UNC13B: variants seen among roughly 807,000 people sequenced by gnomAD.
UNC13B encodes the protein unc-13 homolog B.
UNC13B carries 144 observed loss-of-function variants against 211.0 expected under a neutral mutation model. The ratio of observed to expected loss-of-function variants is 0.68; its 90% CI spans 0.60 to 0.78. The LOEUF (loss-of-function observed/expected upper bound fraction) is 0.78. Ranked by LOEUF, UNC13B falls within the 30% of genes least tolerant of loss-of-function variation. The pLI, the probability that UNC13B is intolerant of heterozygous loss-of-function variation, is 0.00. For synonymous variants in UNC13B, 709 were observed against 725.8 expected, an observed-to-expected ratio of 0.98 and a Z score of 0.37; for missense variants, 1,777 against 2,002.0, an observed-to-expected ratio of 0.89 and a Z score of 2.14.
chr9:35,237,000 A>G (rs1313886487), intron 4 of UNC13B, among the ~76,000 whole-genome samples: 1 of 152,178 alleles, frequency 6.6e-6, no homozygotes, highest in South Asian at 2.1e-4. Flanking sequence ...CCAATCTCCA[A>G]GGAACTAGTT....
intron 7 of UNC13B, among the ~76,000 whole-genome samples, chr9:35,270,418 A>G (rs981465706): frequency 1.1e-4 from 16 of 152,074 alleles, no homozygotes; most frequent in African/African-American, 3.6e-4. Flanking sequence ...ACACATGTGT[A>G]TATACACACA....
At chr9:35,346,696 T>A (rs1245969188) in intron 11 of UNC13B, among the ~76,000 whole-genome samples, 2 of 152,038 alleles carry the variant, frequency 1.3e-5, no homozygotes, top group Non-Finnish European at 1.5e-5. Context: ...TGTCGGAATG[T>A]GTGTGTATGA....
chr9:35,384,573 T>G, intron 22 of UNC13B: 10 of 985,476 alleles, frequency 1.0e-5, no homozygotes, highest in Non-Finnish European at 1.2e-5. Flanking sequence ...TACTAAACTC[T>G]CTGGTGACAT....
At chr9:35,191,457 A>G (rs967388844) in intron 1 of UNC13B, among the ~76,000 whole-genome samples, 3 of 152,196 alleles carry the variant, frequency 2.0e-5, no homozygotes, top group Non-Finnish European at 4.4e-5. Context: ...AAAGGTGGTA[A>G]CAGCCCCTTC....
chr9:35,379,759 G>C (rs1834693115), intron 17 of UNC13B, among the ~76,000 whole-genome samples: 1 of 152,102 alleles, frequency 6.6e-6, no homozygotes, highest in South Asian at 2.1e-4. Context: ...CAGAGCAGTG[G>C]TTATACTGTA....
At chr9:35,379,034 T>C (rs1463617684) in intron 17 of UNC13B, among the ~76,000 whole-genome samples, 1 of 152,198 alleles carries the variant, frequency 6.6e-6, no homozygotes, top group African/African-American at 2.4e-5. Context: ...CAAACTAATG[T>C]CTGAGAATCC....
intron 11 of UNC13B, among the ~76,000 whole-genome samples, chr9:35,357,683 T>C (rs1455843375): frequency 1.3e-5 from 2 of 151,728 alleles, no homozygotes; most frequent in Non-Finnish European, 2.9e-5. Flanking sequence ...AGCTCAGAAA[T>C]TTGAGACCAG....
chr9:35,255,065 G>A (rs1431335001), intron 6 of UNC13B, among the ~76,000 whole-genome samples: 37 of 107,344 alleles, frequency 3.4e-4, no homozygotes, highest in Middle Eastern at 4.3e-3. Context: ...TATATATTAT[G>A]TATAATATAA....
At chr9:35,389,462 G>C (rs1043847483) in intron 24 of UNC13B, among the ~76,000 whole-genome samples, 3 of 152,190 alleles carry the variant, frequency 2.0e-5, no homozygotes, top group Admixed American at 6.5e-5. Flanking sequence ...ACCACCAGAA[G>C]AGGAGGGCTG....
Position 35,404,465 on chromosome 9 carries a change from T to G in UNC13B, c.*432T>G, listed in dbSNP as rs1836553534. 1 of 199,456 alleles carries G rather than the reference T, an allele frequency of 5.0e-6. No homozygotes were observed. The highest frequency in any genetic ancestry group is 5.3e-5 in the Admixed American group (1 of 19,042). The allele number at this position is 199,456 out of a possible 1,614,324, so 12.4% of individuals were successfully genotyped here. On this transcript the variant is annotated 3_prime_UTR_variant, in exon 40 of 40. Transcript: ENST00000635942. ...GTGCCTGGCTGGCTGGGTAGTCAGC[T>G]GAGCCTGTTGCTGAGCCCGGTGGTC...
At chr9:35,200,744 A>G (rs957779816) in intron 1 of UNC13B, among the ~76,000 whole-genome samples, 6 of 152,140 alleles carry the variant, frequency 3.9e-5, no homozygotes, top group South Asian at 2.1e-4. Flanking sequence ...GGCTGAGATG[A>G]TGGGGTTTTC....
intron 1 of UNC13B, among the ~76,000 whole-genome samples, chr9:35,218,982 C>T (rs898194472): frequency 2.0e-5 from 3 of 152,108 alleles, no homozygotes; most frequent in Admixed American, 1.3e-4. Flanking sequence ...CTCCCAACCT[C>T]GGGTGATCTG....
chr9:35,267,732 T>C (rs1355560594), intron 7 of UNC13B, among the ~76,000 whole-genome samples: 1 of 152,044 alleles, frequency 6.6e-6, no homozygotes, highest in Admixed American at 6.6e-5. Flanking sequence ...CAGGTGTGAG[T>C]CTCCAAAGGT....
intron 1 of UNC13B, among the ~76,000 whole-genome samples, chr9:35,226,766 A>G (rs1256207151): frequency 6.6e-6 from 1 of 152,078 alleles, no homozygotes; most frequent in African/African-American, 2.4e-5. Flanking sequence ...ATTAAATGGT[A>G]CCCACCCAGG....
At chr9:35,327,382 A>G (rs933811519) in intron 11 of UNC13B, among the ~76,000 whole-genome samples, 20 of 152,342 alleles carry the variant, frequency 1.3e-4, no homozygotes, top group African/African-American at 4.6e-4. Flanking sequence ...CCTCAAAACC[A>G]GGGAAGCTGA....
At chr9:35,282,398 C>T (rs915567268) in intron 7 of UNC13B, among the ~76,000 whole-genome samples, 3 of 151,846 alleles carry the variant, frequency 2.0e-5, no homozygotes, top group Admixed American at 6.6e-5. Context: ...CTTGTTTTCT[C>T]TTTTTGATAT....
chr9:35,176,464 C>T (rs1353115402), intron 1 of UNC13B, among the ~76,000 whole-genome samples: 3 of 152,118 alleles, frequency 2.0e-5, no homozygotes, highest in African/African-American at 7.2e-5. Context: ...ATGAGAATCG[C>T]TTGAACCCAG....
intron 1 of UNC13B, among the ~76,000 whole-genome samples, chr9:35,164,240 CTTCTG>C (rs1314976908): frequency 6.6e-6 from 1 of 152,194 alleles, no homozygotes; most frequent in African/African-American, 2.4e-5. Context: ...TGGTCTTGAA[CTTCTG>C]ACCTCAAGTG....
chr9:35,209,108 A>C (rs1048880149), intron 1 of UNC13B, among the ~76,000 whole-genome samples: 1 of 152,182 alleles, frequency 6.6e-6, no homozygotes, highest in Non-Finnish European at 1.5e-5. Context: ...TGTGTCACCC[A>C]GGGTGGAGTA....
Sources: gnomAD v4.1 joint callset for allele counts (sites outside exome capture counted in the v4.1 genomes callset) on GRCh38, gnomAD v4.1.1 for gene constraint, MANE v1.5 for transcripts, NCBI Gene and HGNC (gene_info 2026-07-23, HGNC 2026-07-21) for gene names.